The following SP100 variants were observed in gnomAD, a reference collection of about 807,000 sequenced individuals.
SP100 encodes SP100 nuclear body protein.
In SP100, 84 loss-of-function variants were observed where a neutral mutation model predicts 130.0. The observed-to-expected ratio is 0.65, with a 90% confidence interval of 0.54 to 0.77. The LOEUF is 0.77. SP100 is among the 30% of genes least tolerant of loss of function. The pLI, the probability that SP100 is intolerant of heterozygous loss-of-function variation, is 0.00. For missense variants in SP100, 978 were observed against 1,052.2 expected (o/e 0.93, Z 0.97); for synonymous variants, 331 against 351.7 (o/e 0.94, Z 0.66).
intron 24 of SP100, among the ~76,000 whole-genome samples, chr2:230,525,845 GGGGCACCCACCA>G (rs1691396335): frequency 6.6e-6 from 1 of 152,066 alleles, no homozygotes; most frequent in African/African-American, 2.4e-5. Context: ...GGTGGGGGGA[GGGGCACCCACCA>G]TTGCTAAGGC....
intron 24 of SP100, chr2:230,515,715 A>G (rs1690880396): frequency 6.5e-7 from 1 of 1,527,818 alleles, no homozygotes; most frequent in African/African-American, 1.4e-5. Context: ...CCTTTTAAAG[A>G]AAAAAACTTC....
At chr2:230,447,015 G>A (rs1266490045) in intron 5 of SP100, 113 bp downstream of exon 5, 3 of 654,106 alleles carry the variant, frequency 4.6e-6, no homozygotes, top group Non-Finnish European at 8.0e-6. Context: ...AAGTCAAGGA[G>A]AGAGTTATAT....
chr2:230,416,278 CAGGGCCT>C lies in SP100; in HGVS notation c.-14_-8del, dbSNP rs1037981540. On this transcript the variant is annotated 5_prime_UTR_variant, in exon 1 of 29. Coordinates refer to ENST00000340126, the MANE Select transcript of SP100 (RefSeq NM_001080391.2). ...CAGAGGCCAGGCTCTGAGGCCCACG[CAGGGCCT>C]AGGGTGGGAAGATGGCAGGTGGGGG... 1 of 1,611,086 alleles carries C rather than the reference CAGGGCCT, an allele frequency of 6.2e-7. No homozygotes were observed.
chr2:230,491,756 C>A (rs773368108), intron 17 of SP100, among the ~76,000 whole-genome samples: 18 of 152,192 alleles, frequency 1.2e-4, no homozygotes, highest in Non-Finnish European at 2.4e-4. Context: ...GATTACAATT[C>A]AACATGAGAT....
At chr2:230,499,574 A>T (rs1031746335) in intron 19 of SP100, among the ~76,000 whole-genome samples, 3 of 148,208 alleles carry the variant, frequency 2.0e-5, no homozygotes, top group East Asian at 2.0e-4. Flanking sequence ...AAGACACTGG[A>T]TGGTCCTTCT....
chr2:230,526,322 C>T lies in SP100; in HGVS notation c.2095-12945C>T, dbSNP rs141008264. Among the ~76,000 whole-genome samples, 1,430 of 152,234 alleles carry T rather than the reference C, an allele frequency of 9.4e-3. 25 individuals carry two copies. Among genetic ancestry groups the T allele is most frequent in the African/African-American group, 0.033 (1,367 of 41,528 alleles). On this transcript the variant is annotated intron_variant, in intron 24 of 28. Coordinates refer to ENST00000340126, the MANE Select transcript of SP100 (RefSeq NM_001080391.2). ...TCCAACAGACCTGCAGCTGAGGGGT[C>T]TGACTGTTAGAAGGAAAACTAACAA...
rs78722941 is a variant in SP100, at chr2:230,454,826, A to C, written c.820+4571A>C. 9.8e-3 allele frequency among the ~76,000 whole-genome samples: 1,495 copies of C among 152,128 alleles called. 37 individuals are homozygous for C. Among genetic ancestry groups the C allele is most frequent in the African/African-American group, 0.035 (1,435 of 41,484 alleles). ...TGGTCTAAAGTATAGTTTAAGTTTG[A>C]TGTGTTCTTATTGATTTTCTCCCTG... On this transcript the variant is annotated intron_variant, in intron 8 of 28. Transcript: ENST00000340126.
chr2:230,437,802 C>T (rs570173506), intron 2 of SP100, among the ~76,000 whole-genome samples: 7 of 152,158 alleles, frequency 4.6e-5, no homozygotes, highest in Middle Eastern at 3.4e-3. Context: ...GTGATCCGCC[C>T]GCCTCAGCCT....
chr2:230,452,842 G>C (rs770733512), intron 8 of SP100, among the ~76,000 whole-genome samples: 13 of 143,986 alleles, frequency 9.0e-5, no homozygotes, highest in Non-Finnish European at 1.7e-4. Flanking sequence ...TTTTTTGGTG[G>C]AGTCTTCGGG....
intron 21 of SP100, among the ~76,000 whole-genome samples, 161 bp downstream of exon 21, chr2:230,504,451 C>T (rs1029135864): frequency 6.6e-6 from 1 of 152,162 alleles, no homozygotes; most frequent in East Asian, 1.9e-4. Context: ...ATCACATTTA[C>T]AGCTAGGGTT....
At chr2:230,416,720 A>G (rs2062609198) in intron 1 of SP100, 6 of 995,966 alleles carry the variant, frequency 6.0e-6, no homozygotes, top group South Asian at 4.1e-5. Flanking sequence ...GAAAATAAAC[A>G]CTCCAGGGTA....
intron 2 of SP100, among the ~76,000 whole-genome samples, chr2:230,436,066 C>T (rs1437266298): frequency 6.6e-6 from 1 of 152,150 alleles, no homozygotes; most frequent in Non-Finnish European, 1.5e-5. Flanking sequence ...ATAATAATTT[C>T]AGAATAATGG....
intron 2 of SP100, among the ~76,000 whole-genome samples, chr2:230,425,809 T>TC (rs2062913568): frequency 6.6e-6 from 1 of 152,088 alleles, no homozygotes; most frequent in Non-Finnish European, 1.5e-5. Context: ...TAATTTTTTT[T>TC]TTTGGAAGAG....
At position 230,524,311 on chromosome 2, in the gene SP100, G is replaced by A. The variant is rs547862038; in HGVS notation, c.2094+13145G>A. ...GCAGAAGTTGTAATTAGCAAAGATC[G>A]CACCATTGCACTTCAGCCTGGGCAA... is the stretch of plus-strand genomic sequence containing the variant. On this transcript the variant is annotated intron_variant, in intron 24 of 28. Coordinates refer to ENST00000340126, the MANE Select transcript of SP100 (RefSeq NM_001080391.2). Among the ~76,000 whole-genome samples, 75 of 140,094 alleles carry A rather than the reference G, an allele frequency of 5.4e-4. 3 individuals are homozygous for A. The South Asian group carries it at 0.014, about 27-fold the overall frequency. 91.9% of individuals were successfully genotyped at this position (140,094 alleles called of 152,430 possible).
At chr2:230,486,530 A>G (rs1385329275) in intron 17 of SP100, among the ~76,000 whole-genome samples, 1 of 152,200 alleles carries the variant, frequency 6.6e-6, no homozygotes, top group Non-Finnish European at 1.5e-5. Flanking sequence ...GCTGCATAGT[A>G]GTCCATGGTG....
At chr2:230,445,085 T>C (rs1378256503) in intron 4 of SP100, among the ~76,000 whole-genome samples, 2 of 152,188 alleles carry the variant, frequency 1.3e-5, no homozygotes, top group Non-Finnish European at 2.9e-5. Context: ...AAACAAAGAT[T>C]GACAAAACTG....
chr2:230,515,296 C>G, intron 24 of SP100: 1 of 1,611,738 alleles, frequency 6.2e-7, no homozygotes, highest in Non-Finnish European at 8.5e-7. Flanking sequence ...GTTCAAGGAT[C>G]CCAATGCACC....
intron 19 of SP100, among the ~76,000 whole-genome samples, chr2:230,499,607 G>A (rs957223923): frequency 1.1e-4 from 16 of 147,976 alleles, no homozygotes; most frequent in Middle Eastern, 6.8e-3. Flanking sequence ...ACCCACTGCT[G>A]TTCCCTCAGT....
chr2:230,521,289 C>T (rs570310267), intron 24 of SP100, among the ~76,000 whole-genome samples: 59 of 152,236 alleles, frequency 3.9e-4, no homozygotes, highest in African/African-American at 1.3e-3. Flanking sequence ...TCTCAGAAAG[C>T]TCCATTTGTC....
Sources: allele counts gnomAD v4.1 joint callset (sites outside exome capture counted in the v4.1 genomes callset), GRCh38; gene constraint gnomAD v4.1.1; transcripts MANE v1.5; gene names NCBI Gene and HGNC (gene_info 2026-07-23, HGNC 2026-07-21).